Variants in RPS6KC1 observed in about 807,000 individuals in gnomAD.
The protein encoded by RPS6KC1 is ribosomal protein S6 kinase C1.
A neutral mutation model predicts 103.8 loss-of-function variants in RPS6KC1; 54 were observed. The ratio of observed to expected loss-of-function variants is 0.52; its 90% CI spans 0.42 to 0.65. The LOEUF (loss-of-function observed/expected upper bound fraction) is 0.65. Among genes scored for constraint, RPS6KC1 ranks in the 30% least tolerant of loss-of-function variants. The pLI is 0.00. For synonymous variants in RPS6KC1, 439 were observed against 438.7 expected (o/e 1.00, Z -0.01); for missense variants, 1,151 against 1,253.8 (o/e 0.92, Z 1.24).
chr1:213,652,006 G>T, the RPS6KC1 span, among the ~76,000 whole-genome samples: 1 of 151,956 alleles, frequency 6.6e-6, no homozygotes, highest in Non-Finnish European at 1.5e-5. Flanking sequence ...TTTCTATTTT[G>T]CCTTCAGCAT....
At chr1:213,793,980 A>G in the RPS6KC1 span, among the ~76,000 whole-genome samples, 1 of 151,988 alleles carries the variant, frequency 6.6e-6, no homozygotes, top group African/African-American at 2.4e-5. Flanking sequence ...TTCGACTTCA[A>G]GGTTATGTGA....
chr1:213,199,963 G>A (rs2817978), intron 8 of RPS6KC1, among the ~76,000 whole-genome samples: 111,024 of 152,078 alleles, frequency 0.73, 41,358 homozygotes, highest in African/African-American at 0.88. Flanking sequence ...AGAACTGTAA[G>A]CCATTGCTCA....
chr1:213,283,646 A>G, the RPS6KC1 span, among the ~76,000 whole-genome samples: 1 of 152,152 alleles, frequency 6.6e-6, no homozygotes, highest in South Asian at 2.1e-4. Context: ...AGGGGGGATT[A>G]GAGGGCTGAC....
chr1:213,793,490 A>G, the RPS6KC1 span, among the ~76,000 whole-genome samples: 1,083 of 152,306 alleles, frequency 7.1e-3, 10 homozygotes, highest in South Asian at 0.024. Context: ...TAGCCAATGT[A>G]ATCCCTTAAA....
At chr1:213,413,765 G>T in the RPS6KC1 span, among the ~76,000 whole-genome samples, 3 of 152,106 alleles carry the variant, frequency 2.0e-5, no homozygotes, top group Non-Finnish European at 4.4e-5. Flanking sequence ...GTTTACACAG[G>T]TCAGCTCTAT....
chr1:213,678,056 T>C, the RPS6KC1 span, among the ~76,000 whole-genome samples: 2 of 151,958 alleles, frequency 1.3e-5, no homozygotes, highest in African/African-American at 4.8e-5. Flanking sequence ...TAACGAGGAA[T>C]GTTTAATTCC....
the RPS6KC1 span, among the ~76,000 whole-genome samples, chr1:213,511,609 C>G: frequency 3.9e-5 from 6 of 152,150 alleles, no homozygotes; most frequent in Admixed American, 1.3e-4. Context: ...CGGTATAATC[C>G]AGACCTCTGG....
At chr1:213,577,921 A>G in the RPS6KC1 span, among the ~76,000 whole-genome samples, 2 of 152,262 alleles carry the variant, frequency 1.3e-5, no homozygotes, top group Non-Finnish European at 2.9e-5. Flanking sequence ...ATACATTTGC[A>G]TAAGTAACGA....
At chr1:213,055,098 A>T (rs925866068) in intron 1 of RPS6KC1, among the ~76,000 whole-genome samples, 7 of 152,244 alleles carry the variant, frequency 4.6e-5, no homozygotes, top group Non-Finnish European at 8.8e-5. Context: ...TAATTTATAT[A>T]CAGTAAAATT....
chr1:213,349,537 A>AAG, the RPS6KC1 span, among the ~76,000 whole-genome samples: 7 of 152,330 alleles, frequency 4.6e-5, no homozygotes, highest in Admixed American at 2.6e-4. Flanking sequence ...TACAACAGGC[A>AAG]GAACTCAGGC....
At chr1:213,484,577 T>G in the RPS6KC1 span, among the ~76,000 whole-genome samples, 1 of 152,214 alleles carries the variant, frequency 6.6e-6, no homozygotes, top group Non-Finnish European at 1.5e-5. Context: ...GAAAGTGATA[T>G]CCACCAGATA....
chr1:213,306,349 C>T, the RPS6KC1 span, among the ~76,000 whole-genome samples: 1 of 152,030 alleles, frequency 6.6e-6, no homozygotes, highest in African/African-American at 2.4e-5. Context: ...CAAAAAAACC[C>T]TTAAAATATA....
the RPS6KC1 span, among the ~76,000 whole-genome samples, chr1:213,627,142 G>T: frequency 0.012 from 1,799 of 152,130 alleles, 20 homozygotes; most frequent in Non-Finnish European, 0.017. Flanking sequence ...GGTCCTTCAC[G>T]TCCCTTGTAA....
rs147268036 is a variant in RPS6KC1 at position 213,260,559 on chromosome 1, C to A, written c.2912-999C>A. Among the ~76,000 whole-genome samples, 11 of 152,050 alleles carry A rather than the reference C, an allele frequency of 7.2e-5. No homozygotes were observed. The East Asian group carries it at 2.1e-3, about 30-fold the overall frequency. On this transcript the variant is annotated intron_variant, in intron 12 of 14. Transcript: ENST00000366960. ...AGGCTAGGCACCTGAGTACCACTTA[C>A]ATGTTTTACTTTCCAAGTTCCAACC...
intron 2 of RPS6KC1, among the ~76,000 whole-genome samples, chr1:213,074,055 G>T (rs1433549832): frequency 1.3e-5 from 2 of 152,316 alleles, no homozygotes; most frequent in Admixed American, 6.5e-5. Flanking sequence ...TAAGCAAATA[G>T]TGTGGTAGTG....
chr1:213,723,887 T>C, the RPS6KC1 span, among the ~76,000 whole-genome samples: 33,003 of 148,598 alleles, frequency 0.22, 3,847 homozygotes, highest in South Asian at 0.28. Flanking sequence ...ATATATGACA[T>C]GTCAAATAAT....
chr1:213,602,142 CTTTCTTTCTT>C, the RPS6KC1 span, among the ~76,000 whole-genome samples: 1 of 64,904 alleles, frequency 1.5e-5, no homozygotes, highest in Non-Finnish European at 3.0e-5. Flanking sequence ...TTCTTTCTTT[CTTTCTTTCTT>C]TCTTTCTTTC....
chr1:213,576,022 A>G, the RPS6KC1 span, among the ~76,000 whole-genome samples: 2 of 152,092 alleles, frequency 1.3e-5, no homozygotes, highest in African/African-American at 2.4e-5. Context: ...ACTGAAATGG[A>G]TTTCCAGAAG....
At chr1:213,292,239 T>G in the RPS6KC1 span, among the ~76,000 whole-genome samples, 1 of 139,242 alleles carries the variant, frequency 7.2e-6, no homozygotes, top group Non-Finnish European at 1.5e-5. Context: ...ACCCTAAAAC[T>G]TAAAGTATAA....
Sources: allele counts gnomAD v4.1 joint callset (sites outside exome capture counted in the v4.1 genomes callset), GRCh38; gene constraint gnomAD v4.1.1; transcripts MANE v1.5; gene names NCBI Gene and HGNC (gene_info 2026-07-23, HGNC 2026-07-21).